The following SPCS2 variants were observed in gnomAD, a reference collection of about 807,000 sequenced individuals.
The protein encoded by SPCS2 is SPase 25 kDa subunit.
Under a neutral mutation model 22.3 loss-of-function variants are expected in SPCS2, and 3 were observed. The observed-to-expected ratio is 0.13, with a 90% CI of 0.06 to 0.35. SPCS2 has a LOEUF of 0.35. Ranked by LOEUF, SPCS2 falls within the 10% of genes least tolerant of loss-of-function variation. The pLI is 1.00. For synonymous variants in SPCS2, 67 were observed against 97.2 expected, an observed-to-expected ratio of 0.69 and a Z score of 1.83; for missense variants, 169 against 280.9, an observed-to-expected ratio of 0.60 and a Z score of 2.85.
chr11:74,978,097 T>A lies in SPCS2; in HGVS notation c.*1054T>A, dbSNP rs1948626180. The A allele has an allele frequency of 6.6e-6, 1 of 152,208 alleles. No individual in the cohort carries two copies. The highest frequency in any genetic ancestry group is 2.4e-5 in the African/African-American group (1 of 41,466). 9.4% of individuals were successfully genotyped at this position (152,208 alleles called of 1,614,324 possible). A position where few individuals can be genotyped will look rare whatever the true frequency, so the allele number is the denominator to read the frequency against. On this transcript the variant is annotated 3_prime_UTR_variant, in exon 5 of 5. Transcript: ENST00000263672. ...ACCTGGGGAGTCCGGCTTCAGAGTT[T>A]GTGGTCCTGCAGAGACAAAACAGCC...
intron 3 of SPCS2, among the ~76,000 whole-genome samples, chr11:74,967,666 T>C (rs1448854875): frequency 6.6e-6 from 1 of 152,214 alleles, no homozygotes; most frequent in African/African-American, 2.4e-5. Flanking sequence ...CAAGAATCAC[T>C]TGAATCCAGG....
At chr11:74,950,150 T>C (rs1023026239) in intron 1 of SPCS2, among the ~76,000 whole-genome samples, 1 of 152,216 alleles carries the variant, frequency 6.6e-6, no homozygotes, top group Non-Finnish European at 1.5e-5. Context: ...TTCTTGCTCT[T>C]TGCACAGCAT....
At position 74,964,472 on chromosome 11, in the gene SPCS2, CTTAAAG is replaced by C. The variant is rs1942877622; in HGVS notation, c.115-557_115-552del. On this transcript the variant is annotated intron_variant, in intron 1 of 4. Transcript: ENST00000263672. ...CAACAGGCTATCCTGGAATTGCTAT[CTTAAAG>C]TTAAGACATGCTGGTAAAATAATAA... 2.0e-5 allele frequency among the ~76,000 whole-genome samples: 3 copies of C among 152,298 alleles called. No homozygotes were observed. The South Asian group carries it at 6.2e-4, about 32-fold the overall frequency.
At chr11:74,965,623 C>G in intron 2 of SPCS2, 140 bp from the exon 3 acceptor site, 1 of 651,908 alleles carries the variant, frequency 1.5e-6, no homozygotes, top group Non-Finnish European at 2.5e-6. Flanking sequence ...TTGAGTTTTA[C>G]TTGTTTGGTG....
chr11:74,958,138 T>G (rs1015813533), intron 1 of SPCS2, among the ~76,000 whole-genome samples: 3 of 152,222 alleles, frequency 2.0e-5, no homozygotes, highest in Admixed American at 2.0e-4. Context: ...CCGTCACTGC[T>G]AAATGCAGTT....
chr11:74,972,895 T>TA (rs199913252), intron 4 of SPCS2, among the ~76,000 whole-genome samples: 611 of 28,984 alleles, frequency 0.021, 2 homozygotes, highest in African/African-American at 0.035. Flanking sequence ...TATATATATA[T>TA]TTTTTTTTTT....
At chr11:74,973,003 G>A (rs917271530) in intron 4 of SPCS2, among the ~76,000 whole-genome samples, 1 of 151,848 alleles carries the variant, frequency 6.6e-6, no homozygotes, top group Non-Finnish European at 1.5e-5. Flanking sequence ...TCACTCATAG[G>A]TGGGAATTGA....
intron 3 of SPCS2, among the ~76,000 whole-genome samples, chr11:74,968,642 G>T (rs1406719477): frequency 6.6e-6 from 1 of 151,526 alleles, no homozygotes; most frequent in Non-Finnish European, 1.5e-5. Flanking sequence ...TCATGCCTCA[G>T]CCTCCTGAGT....
chr11:74,968,500 T>G (rs1173723629), intron 3 of SPCS2, among the ~76,000 whole-genome samples: 1 of 149,476 alleles, frequency 6.7e-6, no homozygotes, highest in Non-Finnish European at 1.5e-5. Context: ...TTTTTTTTGG[T>G]TTTTGTGGGT....
At chr11:74,969,343 T>C (rs963540357) in intron 3 of SPCS2, among the ~76,000 whole-genome samples, 2 of 152,222 alleles carry the variant, frequency 1.3e-5, no homozygotes, top group Non-Finnish European at 2.9e-5. Context: ...TTTCTTTTCT[T>C]CCTTTCTGAG....
At chr11:74,965,665 G>T in intron 2 of SPCS2, 98 bp from the exon 3 acceptor site, 1 of 1,050,640 alleles carries the variant, frequency 9.5e-7, no homozygotes, top group Non-Finnish European at 1.4e-6. Context: ...GAACTACTTG[G>T]TAATTCATAT....
At position 74,965,234 on chromosome 11, in the gene SPCS2, C is replaced by CTTT. The variant is rs1159480814; in HGVS notation, c.198+117_198+118insTTT. On this transcript the variant is annotated intron_variant, in intron 2 of 4. Transcript: ENST00000263672. ...TAGTTTTCAGTGTTAGAAATTAAGT[C>CTTT]AGAAAGCAGTTTCTAAAATTTCTCA... is the stretch of plus-strand genomic sequence containing the variant. 5 of 682,116 alleles carry CTTT rather than the reference C, an allele frequency of 7.3e-6. No homozygotes were observed. The Admixed American group carries it at 1.7e-4, about 23-fold the overall frequency. 42.3% of individuals were successfully genotyped at this position (682,116 alleles called of 1,614,324 possible).
At chr11:74,962,917 A>T (rs1284155490) in intron 1 of SPCS2, among the ~76,000 whole-genome samples, 1 of 152,156 alleles carries the variant, frequency 6.6e-6, no homozygotes, top group Non-Finnish European at 1.5e-5. Flanking sequence ...TATTCTCCCA[A>T]ATTGGTTAAG....
At chr11:74,974,003 T>G (rs945179710) in intron 4 of SPCS2, among the ~76,000 whole-genome samples, 7 of 152,124 alleles carry the variant, frequency 4.6e-5, no homozygotes, top group Non-Finnish European at 8.8e-5. Flanking sequence ...GTCTCCTCAT[T>G]TCTCTGCTCT....
intron 4 of SPCS2, among the ~76,000 whole-genome samples, chr11:74,974,743 T>G (rs565900784): frequency 1.3e-5 from 2 of 152,252 alleles, no homozygotes; most frequent in East Asian, 3.9e-4. Flanking sequence ...GCCTCCCAAA[T>G]AGCTGGGACT....
At chr11:74,965,494 G>A (rs1319565751) in intron 2 of SPCS2, among the ~76,000 whole-genome samples, 1 of 152,138 alleles carries the variant, frequency 6.6e-6, no homozygotes, top group Non-Finnish European at 1.5e-5. Context: ...ATTCATTCAT[G>A]ATAAATCATC....
At chr11:74,966,370 A>G (rs1189182741) in intron 3 of SPCS2, among the ~76,000 whole-genome samples, 1 of 152,234 alleles carries the variant, frequency 6.6e-6, no homozygotes, top group Non-Finnish European at 1.5e-5. Flanking sequence ...AGTACTGAGC[A>G]TGAGATACAA....
At chr11:74,961,934 A>G (rs1948516670) in intron 1 of SPCS2, among the ~76,000 whole-genome samples, 1 of 152,224 alleles carries the variant, frequency 6.6e-6, no homozygotes. Context: ...ATAAGTTTAT[A>G]TCACTGAAGA....
chr11:74,974,805 G>A (rs1298855216), intron 4 of SPCS2, among the ~76,000 whole-genome samples: 4 of 152,024 alleles, frequency 2.6e-5, no homozygotes, highest in Non-Finnish European at 5.9e-5. Flanking sequence ...TAGTAGAGAC[G>A]GGGTTTCACC....
Sources: gnomAD v4.1 joint callset for allele counts (sites outside exome capture counted in the v4.1 genomes callset) on GRCh38, gnomAD v4.1.1 for gene constraint, MANE v1.5 for transcripts, NCBI Gene and HGNC (gene_info 2026-07-23, HGNC 2026-07-21) for gene names.